Variants in ACSL3 observed in about 807,000 individuals in gnomAD.
ACSL3 encodes the protein acyl-CoA synthetase long chain family member 3.
Under a neutral mutation model 84.7 loss-of-function variants are expected in ACSL3, and 34 were observed. The observed-to-expected ratio is 0.40, with a 90% CI of 0.31 to 0.53. The LOEUF is 0.53. Among genes scored for constraint, ACSL3 ranks in the 20% least tolerant of loss-of-function variants. The probability of loss-of-function intolerance (pLI) is 0.48; values close to 1 mark genes in which losing one functional copy is unlikely to be tolerated. For synonymous variants in ACSL3, 315 were observed against 299.4 expected (o/e 1.05, Z -0.54); for missense variants, 680 against 873.1 (o/e 0.78, Z 2.79).
In ACSL3 at chr2:222,906,107, T is replaced by C. The variant is rs114778778; in HGVS notation, c.-40-2626T>C. Among the ~76,000 whole-genome samples, 915 of 152,308 alleles carry C rather than the reference T, an allele frequency of 6.0e-3. 11 individuals are homozygous for C. The highest frequency in any genetic ancestry group is 0.021 in the African/African-American group (854 of 41,568). ...TTTGTAGCAACTCGGAATACTGATT[T>C]TCCCTCCCCTCTTCCAGGGCTGCTG... is the stretch of plus-strand genomic sequence containing the variant. On this transcript the variant is annotated intron_variant, in intron 3 of 16. Coordinates refer to ENST00000357430, the MANE Select transcript of ACSL3 (RefSeq NM_004457.5).
chr2:222,887,251 T>G (rs1022082912), intron 1 of ACSL3, among the ~76,000 whole-genome samples: 15 of 152,240 alleles, frequency 9.9e-5, no homozygotes, highest in African/African-American at 3.6e-4. Context: ...TGTCATGGCT[T>G]GATGGCTCAT....
rs1163216624 is a variant in ACSL3 at position 222,941,720 on chromosome 2, A to G, written c.*66A>G. The G allele has an allele frequency of 1.7e-5, 26 of 1,496,324 alleles. No individual in the cohort carries two copies. Among genetic ancestry groups the G allele is most frequent in the Non-Finnish European group, 2.3e-5 (26 of 1,113,748 alleles). The allele number at this position is 1,496,324 out of a possible 1,614,324, so 92.7% of individuals were successfully genotyped here. A position where few individuals can be genotyped will look rare whatever the true frequency, so the allele number is the denominator to read the frequency against. On this transcript the variant is annotated 3_prime_UTR_variant, in exon 17 of 17. Coordinates refer to ENST00000357430, the MANE Select transcript of ACSL3 (RefSeq NM_004457.5). Reference sequence around the variant, plus strand: ...TCAAATAGGAAAATACTTGAAATGCATGTCTCAAGCTGCAAGGCAAACTCC... The same window carrying G: ...TCAAATAGGAAAATACTTGAAATGCGTGTCTCAAGCTGCAAGGCAAACTCC...
intron 10 of ACSL3, 66 bp from the exon 11 acceptor site, chr2:222,924,390 A>C: frequency 7.4e-7 from 1 of 1,356,372 alleles, no homozygotes; most frequent in South Asian, 1.6e-5. Context: ...TGTTAATCTA[A>C]TGCTAAGTGA....
At chr2:222,934,755 G>A (rs1697130567) in intron 16 of ACSL3, 68 bp downstream of exon 16, 1 of 1,516,214 alleles carries the variant, frequency 6.6e-7, no homozygotes, top group Non-Finnish European at 8.9e-7. Context: ...CATTCAACCT[G>A]TTTTAAGGTT....
In ACSL3 at chr2:222,928,914, C is replaced by A; in HGVS notation, c.1518C>A (p.Ile506=). The part of the protein sequence containing the change: ...RVGAPLVCCE[I]KLKNWEEGGY... ...GAGCACCATTAGTTTGCTGTGAAAT[C>A]AAATTAAAAAACTGGGAGGAAGGTA... is the stretch of plus-strand genomic sequence containing the variant. Residue 506 remains isoleucine, a synonymous_variant, in exon 13 of 17, where the codon ATC becomes ATA. Transcript: ENST00000357430. 2 of 1,613,258 alleles carry A rather than the reference C, an allele frequency of 1.2e-6. No homozygotes were observed. Among genetic ancestry groups the A allele is most frequent in the Non-Finnish European group, 1.7e-6 (2 of 1,179,630 alleles).
At chr2:222,885,234 C>T (rs1695691336) in intron 1 of ACSL3, among the ~76,000 whole-genome samples, 1 of 152,152 alleles carries the variant, frequency 6.6e-6, no homozygotes, top group Non-Finnish European at 1.5e-5. Flanking sequence ...TTCCCCAGGG[C>T]ATATTTGTCA....
At chr2:222,900,066 C>T (rs988956961) in intron 2 of ACSL3, among the ~76,000 whole-genome samples, 8 of 152,316 alleles carry the variant, frequency 5.3e-5, no homozygotes, top group African/African-American at 1.9e-4. Flanking sequence ...GGTGTAGCAA[C>T]ATAAAGTATC....
chr2:222,941,471 C>CTTTTTT, intron 16 of ACSL3, 26 bp from the exon 17 acceptor site: 2 of 1,379,958 alleles, frequency 1.4e-6, no homozygotes, highest in Non-Finnish European at 9.8e-7. Flanking sequence ...ACCTTTTCTT[C>CTTTTTT]TTTTCTTTTT....
chr2:222,911,800 A>G (rs1055935925), intron 4 of ACSL3, among the ~76,000 whole-genome samples: 1 of 152,254 alleles, frequency 6.6e-6, no homozygotes, highest in Admixed American at 6.5e-5. Flanking sequence ...GTGTAAGTGT[A>G]TGTGGCTCTT....
chr2:222,927,417 T>G (rs954180260), intron 12 of ACSL3, among the ~76,000 whole-genome samples: 1 of 152,242 alleles, frequency 6.6e-6, no homozygotes, highest in Non-Finnish European at 1.5e-5. Flanking sequence ...ATAGGTAATA[T>G]TAAAAACCAC....
At chr2:222,898,687 C>T (rs1008946981) in intron 2 of ACSL3, among the ~76,000 whole-genome samples, 1 of 152,154 alleles carries the variant, frequency 6.6e-6, no homozygotes, top group East Asian at 1.9e-4. Flanking sequence ...ATTAGCCGGG[C>T]GCAGTGGCGG....
At chr2:222,865,035 A>G (rs1263041775) in intron 1 of ACSL3, among the ~76,000 whole-genome samples, 2 of 152,246 alleles carry the variant, frequency 1.3e-5, no homozygotes, top group African/African-American at 2.4e-5. Flanking sequence ...ATCCCTCAAT[A>G]GAGTATATAT....
intron 1 of ACSL3, among the ~76,000 whole-genome samples, chr2:222,863,384 A>G (rs902964399): frequency 6.6e-6 from 1 of 152,244 alleles, no homozygotes; most frequent in African/African-American, 2.4e-5. Flanking sequence ...GTCAGCAACA[A>G]TAATTCTTTT....
At chr2:222,905,670 C>G (rs1433334049) in intron 3 of ACSL3, among the ~76,000 whole-genome samples, 2 of 152,106 alleles carry the variant, frequency 1.3e-5, no homozygotes, top group Non-Finnish European at 2.9e-5. Context: ...TGGCAAAAAC[C>G]AAATTCCCTC....
chr2:222,870,323 T>TG (rs929539543), intron 1 of ACSL3, among the ~76,000 whole-genome samples: 2 of 152,218 alleles, frequency 1.3e-5, no homozygotes, highest in African/African-American at 4.8e-5. Flanking sequence ...TGGAATTTAA[T>TG]GGGGTGTTTG....
intron 1 of ACSL3, among the ~76,000 whole-genome samples, chr2:222,876,925 G>A (rs1377278199): frequency 6.6e-6 from 1 of 152,176 alleles, no homozygotes; most frequent in Non-Finnish European, 1.5e-5. Context: ...GATAAACGAT[G>A]GAGGTAAAAA....
chr2:222,927,001 T>A lies in ACSL3; in HGVS notation c.1293-16T>A. On this transcript the variant is annotated splice_polypyrimidine_tract_variant and intron_variant, in intron 11 of 16. Coordinates refer to ENST00000357430, the MANE Select transcript of ACSL3 (RefSeq NM_004457.5). ...TCAGTTTTAAAATCCTGTGGTTCTC[T>A]AATTTTTTTCTTTAGCTTTGTTTTC... 1.2e-5 allele frequency: 19 copies of A among 1,607,472 alleles called. No individual in the cohort carries two copies. Among genetic ancestry groups the A allele is most frequent in the Non-Finnish European group, 1.6e-5 (19 of 1,174,848 alleles).
chr2:222,891,869 AC>A (rs1695852347), intron 2 of ACSL3, among the ~76,000 whole-genome samples: 1 of 152,194 alleles, frequency 6.6e-6, no homozygotes, highest in African/African-American at 2.4e-5. Flanking sequence ...AAAATAAAAT[AC>A]CAAATTATTA....
chr2:222,867,358 C>T (rs1258061191), intron 1 of ACSL3, among the ~76,000 whole-genome samples: 1 of 152,208 alleles, frequency 6.6e-6, no homozygotes, highest in Non-Finnish European at 1.5e-5. Context: ...AAGAAACCCA[C>T]TCCTTTCCCC....
Sources: allele counts gnomAD v4.1 joint callset (sites outside exome capture counted in the v4.1 genomes callset), GRCh38; gene constraint gnomAD v4.1.1; transcripts MANE v1.5; gene names NCBI Gene and HGNC (gene_info 2026-07-23, HGNC 2026-07-21).